Variants in USP32 observed in about 807,000 individuals in gnomAD.
The protein encoded by USP32 is ubiquitin carboxyl-terminal hydrolase 32.
In USP32, 59 loss-of-function variants were observed where a neutral mutation model predicts 204.8. That is an observed-to-expected ratio of 0.29 (90% CI 0.23 to 0.36). The LOEUF is 0.36. USP32 is among the 10% of genes least tolerant of loss of function. The pLI is 1.00. For missense variants in USP32, 1,160 were observed against 1,946.4 expected (o/e 0.60, Z 7.60); for synonymous variants, 517 against 678.4 (o/e 0.76, Z 3.70).
intron 2 of USP32, 107 bp downstream of exon 2, chr17:60,345,374 T>G: frequency 6.8e-7 from 1 of 1,472,466 alleles, no homozygotes; most frequent in Non-Finnish European, 9.1e-7. Context: ...GGAAGAAAAA[T>G]AACTACAGGT....
chr17:60,290,233 T>A (rs947669040), intron 4 of USP32, among the ~76,000 whole-genome samples: 10 of 152,202 alleles, frequency 6.6e-5, no homozygotes, highest in African/African-American at 2.4e-4. Context: ...GCTTTACTAA[T>A]ACCAATGAAC....
intron 4 of USP32, among the ~76,000 whole-genome samples, chr17:60,290,485 G>A (rs1468635236): frequency 1.3e-5 from 2 of 152,120 alleles, no homozygotes; most frequent in Non-Finnish European, 2.9e-5. Flanking sequence ...AAGAAGCTTA[G>A]TATAAATTCT....
chr17:60,297,936 C>G (rs2087478215), intron 3 of USP32, among the ~76,000 whole-genome samples: 1 of 152,174 alleles, frequency 6.6e-6, no homozygotes, highest in African/African-American at 2.4e-5. Flanking sequence ...ATTTCAGTAG[C>G]TATCAACAAG....
chr17:60,234,743 A>T (rs111559688), intron 12 of USP32, among the ~76,000 whole-genome samples: 4,017 of 150,140 alleles, frequency 0.027, 176 homozygotes, highest in African/African-American at 0.085. Context: ...AAAAAAAAAA[A>T]TTTTTTTTTG....
At chr17:60,394,251 C>T (rs117677241), upstream of USP32, among the ~76,000 whole-genome samples, 667 of 152,248 alleles carry the variant, frequency 4.4e-3, 3 homozygotes, top group Non-Finnish European at 7.3e-3. Flanking sequence ...GTTAGATTAT[C>T]GTAATTAATG....
chr17:60,232,335 G>A (rs767001565), intron 12 of USP32, among the ~76,000 whole-genome samples: 6 of 151,052 alleles, frequency 4.0e-5, no homozygotes, highest in Admixed American at 1.3e-4. Context: ...ACCACGCCAG[G>A]CTAATTTTTA....
At chr17:60,316,594 A>C (rs541108192) in intron 2 of USP32, among the ~76,000 whole-genome samples, 4 of 152,174 alleles carry the variant, frequency 2.6e-5, no homozygotes, top group African/African-American at 9.6e-5. Flanking sequence ...TAATCTCAAC[A>C]CTTTGGGAGG....
At chr17:60,210,468 T>C (rs996037774) in intron 21 of USP32, among the ~76,000 whole-genome samples, 3 of 152,150 alleles carry the variant, frequency 2.0e-5, no homozygotes, top group African/African-American at 7.2e-5. Context: ...TGCACCACTA[T>C]GCCCGGCTAA....
At chr17:60,220,336 G>C (rs2627905) in intron 15 of USP32, among the ~76,000 whole-genome samples, 176 of 151,718 alleles carry the variant, frequency 1.2e-3, no homozygotes, top group African/African-American at 3.0e-3. Context: ...AATATGAAGA[G>C]TATTATAAAT....
intron 2 of USP32, among the ~76,000 whole-genome samples, chr17:60,334,726 G>A (rs1221431046): frequency 1.4e-5 from 2 of 143,192 alleles, no homozygotes; most frequent in African/African-American, 3.0e-5. Context: ...ATAAACAGTT[G>A]ATAACACATA....
intron 1 of USP32, among the ~76,000 whole-genome samples, chr17:60,377,697 C>G (rs1307878015): frequency 1.3e-5 from 2 of 152,226 alleles, no homozygotes; most frequent in African/African-American, 2.4e-5. Flanking sequence ...ACAAGCAGCA[C>G]TGTTACAGAT....
chr17:60,229,466 A>C (rs1450901215), intron 12 of USP32, among the ~76,000 whole-genome samples: 2 of 152,250 alleles, frequency 1.3e-5, no homozygotes, highest in Non-Finnish European at 2.9e-5. Flanking sequence ...CCAGATGTTA[A>C]GAGCTTAGAA....
At position 60,312,137 on chromosome 17, in the gene USP32, C is replaced by T. The variant is rs181496320; in HGVS notation, c.187-10433G>A. Among the ~76,000 whole-genome samples, 34 of 152,266 alleles carry T rather than the reference C, an allele frequency of 2.2e-4. No individual in the cohort carries two copies. The East Asian group carries it at 6.0e-3, about 27-fold the overall frequency. On this transcript the variant is annotated intron_variant, in intron 2 of 33. Coordinates refer to ENST00000300896, the MANE Select transcript of USP32 (RefSeq NM_032582.4). ...TGACACATATGTTGAAGCAATGTGC[C>T]AAGTCGTCTCATTCCAGGACCTAAG...
chr17:60,196,515 A>T (rs2084522347), intron 27 of USP32, among the ~76,000 whole-genome samples: 1 of 152,212 alleles, frequency 6.6e-6, no homozygotes, highest in Admixed American at 6.5e-5. Flanking sequence ...AATACTTTAA[A>T]CAATTATTTA....
At chr17:60,341,863 C>T (rs903783429) in intron 2 of USP32, among the ~76,000 whole-genome samples, 1 of 152,132 alleles carries the variant, frequency 6.6e-6, no homozygotes, top group South Asian at 2.1e-4. Context: ...TCCTTTAGCT[C>T]GGAGAAGTTT....
intron 1 of USP32, among the ~76,000 whole-genome samples, chr17:60,410,104 T>A (rs1165186410): frequency 6.6e-6 from 1 of 152,222 alleles, no homozygotes; most frequent in Non-Finnish European, 1.5e-5. Context: ...AGATTTGTAA[T>A]CTCCCCAGTT....
intron 2 of USP32, among the ~76,000 whole-genome samples, chr17:60,308,080 G>A (rs889826198): frequency 6.6e-6 from 1 of 152,148 alleles, no homozygotes; most frequent in African/African-American, 2.4e-5. Flanking sequence ...CTGGCTCACC[G>A]TCCAGCTGCT....
At chr17:60,316,569 G>A (rs1022815123) in intron 2 of USP32, among the ~76,000 whole-genome samples, 4 of 151,972 alleles carry the variant, frequency 2.6e-5, no homozygotes, top group Admixed American at 6.6e-5. Flanking sequence ...GGCCAGGCAC[G>A]GTGGCTCATG....
At chr17:60,281,462 C>T (rs1018144237) in intron 5 of USP32, among the ~76,000 whole-genome samples, 3 of 150,958 alleles carry the variant, frequency 2.0e-5, no homozygotes, top group African/African-American at 7.3e-5. Context: ...TGCTGGAACT[C>T]GGAGGATGGA....
Sources: gnomAD v4.1 joint callset for allele counts (sites outside exome capture counted in the v4.1 genomes callset) on GRCh38, gnomAD v4.1.1 for gene constraint, MANE v1.5 for transcripts, NCBI Gene and HGNC (gene_info 2026-07-23, HGNC 2026-07-21) for gene names.